FRMD4B: variants seen among roughly 807,000 people sequenced by gnomAD.
FRMD4B encodes the protein FERM domain-containing protein 4B.
In FRMD4B, 74 loss-of-function variants were observed where a neutral mutation model predicts 141.5. The observed-to-expected ratio is 0.52, with a 90% CI of 0.43 to 0.63. The LOEUF (loss-of-function observed/expected upper bound fraction) is 0.63, where lower values mean the gene tolerates loss of function less well. FRMD4B is among the 30% of genes least tolerant of loss of function. The pLI, the probability that FRMD4B is intolerant of heterozygous loss-of-function variation, is 0.00. For synonymous variants in FRMD4B, 506 were observed against 467.9 expected, an observed-to-expected ratio of 1.08 and a Z score of -1.05; for missense variants, 1,366 against 1,253.4, an observed-to-expected ratio of 1.09 and a Z score of -1.36.
At chr3:69,375,553 T>C (rs1038389) in intron 1 of FRMD4B, among the ~76,000 whole-genome samples, 142,019 of 152,254 alleles carry the variant, frequency 0.93, 66,240 homozygotes, top group East Asian at 0.97. Flanking sequence ...TTCAGGCGGT[T>C]TGAGTTCATA....
At chr3:69,419,629 G>A (rs928156000) in intron 2 of FRMD4B, among the ~76,000 whole-genome samples, 5 of 152,172 alleles carry the variant, frequency 3.3e-5, no homozygotes, top group Non-Finnish European at 5.9e-5. Context: ...TACCAGAATG[G>A]GGATTGGATA....
Position 69,187,788 on chromosome 3 carries a change from A to C in FRMD4B, c.1901T>G (p.Val634Gly), listed in dbSNP as rs2092786190. 6.2e-7 allele frequency: 1 copy of C among 1,612,680 alleles called. No individual in the cohort carries two copies. The highest frequency in any genetic ancestry group is 1.3e-5 in the African/African-American group (1 of 74,834). Reference sequence around the variant, plus strand: ...CTCTCACCTGGACTGCCTGGTATCCACAAACTGTTCATTGATGGACGACTT... The same window carrying C: ...CTCTCACCTGGACTGCCTGGTATCCCCAAACTGTTCATTGATGGACGACTT... ...FRKSSINEQFVDTRQSREMLS... is the reference protein window; with the variant it reads ...FRKSSINEQFGDTRQSREMLS... The change falls in exon 19 of 23, where the codon GTG becomes GGG. Residue 634 changes from valine to glycine, a missense_variant. Coordinates refer to ENST00000398540, the MANE Select transcript of FRMD4B (RefSeq NM_015123.3).
chr3:69,364,851 C>CAG (rs1703591638), intron 1 of FRMD4B, among the ~76,000 whole-genome samples: 1 of 150,236 alleles, frequency 6.7e-6, no homozygotes. Context: ...TCTCCTACCC[C>CAG]AAGCTTTCTC....
At chr3:69,507,629 A>T (rs1211219464) in intron 1 of FRMD4B, among the ~76,000 whole-genome samples, 1 of 152,186 alleles carries the variant, frequency 6.6e-6, no homozygotes, top group Non-Finnish European at 1.5e-5. Context: ...TGTAGGGGGT[A>T]CCCTTGTACA....
chr3:69,449,583 C>T (rs919798448), intron 1 of FRMD4B, among the ~76,000 whole-genome samples: 1 of 152,190 alleles, frequency 6.6e-6, no homozygotes, highest in Non-Finnish European at 1.5e-5. Flanking sequence ...GTCCTATGAT[C>T]ACATTTTCTG....
intron 1 of FRMD4B, among the ~76,000 whole-genome samples, chr3:69,382,625 T>C (rs1575779616): frequency 1.3e-5 from 2 of 152,158 alleles, no homozygotes; most frequent in African/African-American, 2.4e-5. Context: ...TTCACTCTCA[T>C]TGAGAATGCA....
chr3:69,479,300 C>G (rs1706071849), intron 1 of FRMD4B, among the ~76,000 whole-genome samples: 1 of 151,496 alleles, frequency 6.6e-6, no homozygotes, highest in African/African-American at 2.4e-5. Context: ...TCTTCCTAGC[C>G]TCGATGGTCT....
rs2092710530 is a variant in FRMD4B, at chr3:69,181,691, G to A, written c.2059C>T (p.His687Tyr). 2 of 1,611,550 alleles carry A rather than the reference G, an allele frequency of 1.2e-6. No individual in the cohort carries two copies. Among genetic ancestry groups the A allele is most frequent in the African/African-American group, 1.3e-5 (1 of 74,860 alleles). Residue 687 changes from histidine to tyrosine, a missense_variant, in exon 21 of 23, where the codon CAC becomes TAC. By Grantham distance (83) the His-to-Tyr change is moderately conservative. Coordinates refer to ENST00000398540, the MANE Select transcript of FRMD4B (RefSeq NM_015123.3). ...AGGCTTCCACTCCGCTGGCGGCAGT[G>A]CTGAGATGAAGATTCGGGTCTGAAA... Reference protein sequence around the residue: ...SHLEPESSSQHCRQRSGSLES... With the variant: ...SHLEPESSSQYCRQRSGSLES...
chr3:69,256,653 G>A (rs2093494915), intron 5 of FRMD4B, among the ~76,000 whole-genome samples: 1 of 152,130 alleles, frequency 6.6e-6, no homozygotes, highest in Non-Finnish European at 1.5e-5. Context: ...TAGGCTGGTG[G>A]TGGAGGAGCC....
At chr3:69,186,208 T>C (rs900729247) in intron 19 of FRMD4B, among the ~76,000 whole-genome samples, 2 of 151,784 alleles carry the variant, frequency 1.3e-5, no homozygotes, top group Admixed American at 1.3e-4. Flanking sequence ...GGATTCATGG[T>C]GCTATTTTTT....
chr3:69,340,539 T>C (rs910670592), intron 1 of FRMD4B, among the ~76,000 whole-genome samples: 5 of 152,170 alleles, frequency 3.3e-5, no homozygotes, highest in Non-Finnish European at 5.9e-5. Flanking sequence ...TGGTTATGGG[T>C]GAAGATCCTG....
At chr3:69,279,608 T>C (rs2093634065) in intron 5 of FRMD4B, among the ~76,000 whole-genome samples, 1 of 152,060 alleles carries the variant, frequency 6.6e-6, no homozygotes, top group Non-Finnish European at 1.5e-5. Flanking sequence ...CACAGGCACA[T>C]GCCACCATGC....
At chr3:69,193,956 C>T in intron 16 of FRMD4B, 83 bp from the exon 17 acceptor site, 2 of 826,432 alleles carry the variant, frequency 2.4e-6, no homozygotes, top group Non-Finnish European at 3.8e-6. Flanking sequence ...ACTTCCTGTG[C>T]ACTTTCTTGA....
chr3:69,225,208 A>C (rs1246097517), intron 7 of FRMD4B, among the ~76,000 whole-genome samples: 1 of 152,152 alleles, frequency 6.6e-6, no homozygotes, highest in Non-Finnish European at 1.5e-5. Flanking sequence ...CACCTGTAGA[A>C]ATCTCTTGAA....
At position 69,195,231 on chromosome 3, in the gene FRMD4B, A is replaced by T; in HGVS notation, c.1368T>A (p.Ala456=). The T allele has an allele frequency of 1.9e-6, 3 of 1,612,632 alleles. No homozygotes were observed. Among genetic ancestry groups the T allele is most frequent in the Non-Finnish European group, 2.5e-6 (3 of 1,179,538 alleles). Residue 456 remains alanine, a splice_region_variant and synonymous_variant, in exon 15 of 23, where the codon GCT becomes GCA. Coordinates refer to ENST00000398540, the MANE Select transcript of FRMD4B (RefSeq NM_015123.3). ...GATGAGCCCCAAAAAGCAGACTCACAGCCTCCCGCAGACAGATCTTCTTAA... is the reference window on the plus strand; with the variant it reads ...GATGAGCCCCAAAAAGCAGACTCACTGCCTCCCGCAGACAGATCTTCTTAA... The part of the protein sequence containing the change: ...EELKKICLRE[A]ELTGKMPKEY...
intron 5 of FRMD4B, among the ~76,000 whole-genome samples, chr3:69,270,988 T>C (rs757555715): frequency 6.6e-6 from 1 of 152,240 alleles, no homozygotes; most frequent in South Asian, 2.1e-4. Context: ...TATAAAATGT[T>C]GTATTTTCAG....
intron 1 of FRMD4B, among the ~76,000 whole-genome samples, chr3:69,335,679 G>A (rs1702524406): frequency 6.6e-6 from 1 of 150,922 alleles, no homozygotes; most frequent in African/African-American, 2.4e-5. Flanking sequence ...CCTCCCCCAT[G>A]AAATGTTAAT....
At chr3:69,310,987 C>T (rs1409642128) in intron 3 of FRMD4B, among the ~76,000 whole-genome samples, 1 of 152,172 alleles carries the variant, frequency 6.6e-6, no homozygotes, top group Non-Finnish European at 1.5e-5. Context: ...CATTCAAAGA[C>T]ATGAGAAGAT....
intron 5 of FRMD4B, among the ~76,000 whole-genome samples, chr3:69,283,420 C>G (rs374902639): frequency 5.5e-5 from 1 of 18,134 alleles, no homozygotes; most frequent in African/African-American, 8.6e-5. Context: ...AACAAAAAAG[C>G]AACAACAACA....
Sources: gnomAD v4.1 joint callset for allele counts (sites outside exome capture counted in the v4.1 genomes callset) on GRCh38, gnomAD v4.1.1 for gene constraint, MANE v1.5 for transcripts, NCBI Gene and HGNC (gene_info 2026-07-23, HGNC 2026-07-21) for gene names.